Variants in GPATCH1 observed in about 807,000 individuals in gnomAD.
GPATCH1 encodes G patch domain-containing protein 1.
In GPATCH1, 73 loss-of-function variants were observed where a neutral mutation model predicts 114.9. The ratio of observed to expected loss-of-function variants is 0.64; its 90% CI spans 0.53 to 0.77. The LOEUF is 0.77. Ranked by LOEUF, GPATCH1 falls within the 30% of genes least tolerant of loss-of-function variation. The probability of loss-of-function intolerance (pLI) is 0.00; values close to 1 mark genes in which losing one functional copy is unlikely to be tolerated. For synonymous variants in GPATCH1, 391 were observed against 428.4 expected (o/e 0.91, Z 1.08); for missense variants, 1,058 against 1,144.3 (o/e 0.92, Z 1.09).
chr19:33,088,337 C>T (rs1172943251), intron 2 of GPATCH1, 69 bp downstream of exon 2: 1 of 1,190,080 alleles, frequency 8.4e-7, no homozygotes, highest in Non-Finnish European at 1.2e-6. Flanking sequence ...TCTCCCTCAC[C>T]CTTGCTTTTT....
At chr19:33,127,881 G>C (rs1001387591) in intron 19 of GPATCH1, among the ~76,000 whole-genome samples, 3 of 148,828 alleles carry the variant, frequency 2.0e-5, no homozygotes, top group African/African-American at 7.4e-5. Flanking sequence ...GCTAATTTTT[G>C]TATTTTGTAT....
intron 7 of GPATCH1, among the ~76,000 whole-genome samples, chr19:33,097,280 C>A (rs1341403295): frequency 6.6e-6 from 1 of 151,996 alleles, no homozygotes; most frequent in Non-Finnish European, 1.5e-5. Flanking sequence ...TTTTTTCAGT[C>A]TTTTAAACAA....
intron 4 of GPATCH1, 69 bp downstream of exon 4, chr19:33,093,588 AGG>A: frequency 7.1e-7 from 1 of 1,403,228 alleles, no homozygotes; most frequent in Non-Finnish European, 9.8e-7. Context: ...TCTCTTGCTG[AGG>A]GATAGTTTGA....
At chr19:33,085,976 A>G (rs2145299329) in intron 1 of GPATCH1, among the ~76,000 whole-genome samples, 1 of 152,324 alleles carries the variant, frequency 6.6e-6, no homozygotes, top group Middle Eastern at 3.4e-3. Flanking sequence ...AAGCACTGGC[A>G]GCACCTGTTC....
chr19:33,107,240 C>T (rs1972795374), intron 10 of GPATCH1, among the ~76,000 whole-genome samples: 1 of 152,090 alleles, frequency 6.6e-6, no homozygotes, highest in South Asian at 2.1e-4. Context: ...GTGCCACCAC[C>T]ACACCTGGCA....
intron 17 of GPATCH1, among the ~76,000 whole-genome samples, chr19:33,123,858 T>C (rs1973011631): frequency 6.6e-6 from 1 of 152,068 alleles, no homozygotes. Flanking sequence ...TTTTTCTTTT[T>C]TTCTTTTTTT....
intron 9 of GPATCH1, among the ~76,000 whole-genome samples, chr19:33,105,295 G>A (rs1447097614): frequency 2.6e-5 from 4 of 151,362 alleles, no homozygotes; most frequent in Non-Finnish European, 5.9e-5. Flanking sequence ...AGCCAGGCAT[G>A]GTGATGCGTG....
intron 3 of GPATCH1, among the ~76,000 whole-genome samples, chr19:33,091,101 A>G (rs1972589452): frequency 6.6e-6 from 1 of 152,162 alleles, no homozygotes; most frequent in African/African-American, 2.4e-5. Flanking sequence ...GGAAAGTCAT[A>G]TACAGGCAAT....
In GPATCH1 at chr19:33,109,852, C is replaced by T; in HGVS notation, c.1421C>T (p.Ala474Val). 6.2e-7 allele frequency: 1 copy of T among 1,614,106 alleles called. No homozygotes were observed. The highest frequency in any genetic ancestry group is 8.5e-7 in the Non-Finnish European group (1 of 1,179,986). ...SLAQNAQSSRAQLSPAAAAGH... is the reference protein window; with the variant it reads ...SLAQNAQSSRVQLSPAAAAGH... ...GCCCAGAACGCTCAGAGCAGCAGAG[C>T]CCAGCTCTCCCCTGCAGCGGCTGCT... The change falls in exon 11 of 20, where the codon GCC (alanine) becomes GTC (valine). Residue 474 changes from alanine (A) to valine (V), a missense_variant. Physicochemically the swap from Ala to Val is moderately conservative, Grantham distance 64. This residue lies in a region of GPATCH1 where 893 missense variants were observed against 977.4 expected (regional missense o/e 0.91). Coordinates refer to ENST00000170564, the MANE Select transcript of GPATCH1 (RefSeq NM_018025.3).
At chr19:33,108,270 A>C (rs1972809581) in intron 10 of GPATCH1, among the ~76,000 whole-genome samples, 1 of 151,984 alleles carries the variant, frequency 6.6e-6, no homozygotes, top group African/African-American at 2.4e-5. Context: ...CAACTATACC[A>C]GCCAACACCT....
At chr19:33,118,809 C>A (rs1176796124) in intron 16 of GPATCH1, among the ~76,000 whole-genome samples, 4 of 152,186 alleles carry the variant, frequency 2.6e-5, no homozygotes, top group South Asian at 4.1e-4. Context: ...TTGCAGGTGC[C>A]CTCGTGTGAC....
Position 33,126,837 on chromosome 19 carries a change from C to T in GPATCH1, c.2765+104C>T. ...ATATCAGAAATGAAAAACTGGTAGG[C>T]CGGGTGCAGTGGCTCACGCCTATAA... On this transcript the variant is annotated intron_variant, in intron 19 of 19. Coordinates refer to ENST00000170564, the MANE Select transcript of GPATCH1 (RefSeq NM_018025.3). 3.0e-6 allele frequency: 3 copies of T among 1,009,418 alleles called. No individual in the cohort carries two copies. In the South Asian group the frequency reaches 4.7e-5, roughly 16 times the overall value. The allele number at this position is 1,009,418 out of a possible 1,614,324, so 62.5% of individuals were successfully genotyped here. A position where few individuals can be genotyped will look rare whatever the true frequency, so the allele number is the denominator to read the frequency against.
chr19:33,129,949 GAA>G (rs59303077), intron 19 of GPATCH1, among the ~76,000 whole-genome samples, 179 bp from the exon 20 acceptor site: 15 of 139,812 alleles, frequency 1.1e-4, no homozygotes, highest in African/African-American at 3.7e-4. Flanking sequence ...CATCTCGGGG[GAA>G]AAAAAAAAAA....
At chr19:33,112,382 AC>A (rs3837972) in intron 12 of GPATCH1, 103 bp from the exon 13 acceptor site, 227,165 of 1,349,004 alleles carry the variant, frequency 0.17, 20,794 homozygotes, top group East Asian at 0.36. Context: ...TATAGCACAA[AC>A]TTTTTTCACA....
At chr19:33,093,910 CA>C (rs1972625808) in intron 4 of GPATCH1, among the ~76,000 whole-genome samples, 1 of 152,160 alleles carries the variant, frequency 6.6e-6, no homozygotes, top group Admixed American at 6.6e-5. Context: ...ACATGCTTAG[CA>C]AAGACTGTCT....
intron 10 of GPATCH1, 49 bp downstream of exon 10, chr19:33,106,948 C>A: frequency 7.0e-7 from 1 of 1,435,840 alleles, no homozygotes; most frequent in Non-Finnish European, 9.7e-7. Flanking sequence ...TTCGAGTTAT[C>A]AAAATCAAAA....
intron 2 of GPATCH1, among the ~76,000 whole-genome samples, chr19:33,088,742 C>T (rs989756729): frequency 2.7e-5 from 4 of 149,938 alleles, no homozygotes; most frequent in Middle Eastern, 3.2e-3. Context: ...CTGCAACCTC[C>T]GCCTCCCGGG....
In GPATCH1 at chr19:33,130,113, T is replaced by C; in HGVS notation, c.2766-17T>C. ...TAGCTAACTTTCCATTTCTCTCTTT[T>C]CTGTTTTCTTTTCCAGGCTGAAAAG... On this transcript the variant is annotated splice_polypyrimidine_tract_variant and intron_variant, in intron 19 of 19. Transcript: ENST00000170564. The C allele has an allele frequency of 1.2e-6, 2 of 1,607,662 alleles. No homozygotes were observed. Among genetic ancestry groups the C allele is most frequent in the South Asian group, 2.2e-5 (2 of 90,938 alleles).
At chr19:33,082,021 A>T (rs1042249122) in intron 1 of GPATCH1, among the ~76,000 whole-genome samples, 1 of 146,354 alleles carries the variant, frequency 6.8e-6, no homozygotes, top group Non-Finnish European at 1.5e-5. Flanking sequence ...TTTTAATGTT[A>T]TTCTATCTTT....
Sources: gnomAD v4.1 joint callset for allele counts (sites outside exome capture counted in the v4.1 genomes callset) on GRCh38, gnomAD v4.1.1 for gene constraint, gnomAD v4.1.1 regional missense constraint, MANE v1.5 for transcripts, NCBI Gene and HGNC (gene_info 2026-07-23, HGNC 2026-07-21) for gene names.